The following LTA variants were observed in gnomAD, a reference collection of about 807,000 sequenced individuals.
LTA encodes the protein lymphotoxin-alpha.
A neutral mutation model predicts 15.1 loss-of-function variants in LTA; 6 were observed. The observed-to-expected ratio is 0.40, with a 90% confidence interval of 0.22 to 0.78. The LOEUF is 0.78. Among genes scored for constraint, LTA ranks in the 30% least tolerant of loss-of-function variants. The pLI is 0.38. For missense variants in LTA, 173 were observed against 249.5 expected (o/e 0.69, Z 2.06); for synonymous variants, 87 against 107.3 (o/e 0.81, Z 1.17).
the LTA span, among the ~76,000 whole-genome samples, chr6:31,561,877 T>C: frequency 6.6e-6 from 1 of 151,918 alleles, no homozygotes; most frequent in Non-Finnish European, 1.5e-5. Context: ...TCAATGAAGG[T>C]TTGAGGTACC....
At chr6:31,566,397 C>G in the LTA span, among the ~76,000 whole-genome samples, 1 of 152,048 alleles carries the variant, frequency 6.6e-6, no homozygotes, top group Non-Finnish European at 1.5e-5. Flanking sequence ...AATTCCAGCA[C>G]TTCGGGAGGC....
chr6:31,567,116 T>G (rs541164230), upstream of LTA, among the ~76,000 whole-genome samples: 5 of 150,544 alleles, frequency 3.3e-5, no homozygotes, highest in Non-Finnish European at 7.4e-5. Flanking sequence ...ACTAACATGG[T>G]GAAACCCCAT....
At chr6:31,568,990 C>CTTGTT (rs201891463), upstream of LTA, among the ~76,000 whole-genome samples, 6 of 151,472 alleles carry the variant, frequency 4.0e-5, no homozygotes, top group Non-Finnish European at 5.9e-5. This position sits in a 1 kb window ranked among gnomAD's most constrained non-coding sequence, Gnocchi z 4.1. Context: ...TTTTTGTTTG[C>CTTGTT]TTGTTTTGTT....
upstream of LTA, among the ~76,000 whole-genome samples, chr6:31,568,319 G>T (rs1305751747): frequency 3.3e-5 from 5 of 152,192 alleles, no homozygotes; most frequent in African/African-American, 1.2e-4. This position sits in a 1 kb window ranked among gnomAD's most constrained non-coding sequence, Gnocchi z 4.1. Context: ...TACATTTAGA[G>T]TCAGATTTAA....
At chr6:31,563,117 G>A in the LTA span, among the ~76,000 whole-genome samples, 1,259 of 146,138 alleles carry the variant, frequency 8.6e-3, 23 homozygotes, top group African/African-American at 0.028. Context: ...CCGAGATCGC[G>A]CCACTGCACT....
chr6:31,563,588 A>G, the LTA span, among the ~76,000 whole-genome samples: 1 of 152,164 alleles, frequency 6.6e-6, no homozygotes, highest in Non-Finnish European at 1.5e-5. Flanking sequence ...ACAAAGCCCC[A>G]AGAATGAGAC....
chr6:31,573,525 C>T lies in LTA; in HGVS notation c.450C>T (p.Ser150=). 6.2e-7 allele frequency: 1 copy of T among 1,614,110 alleles called. No individual in the cohort carries two copies. The highest frequency in any genetic ancestry group is 1.1e-5 in the South Asian group (1 of 91,078). ...ACCCCTTCCATGTGCCTCTCCTCAG[C>T]TCCCAGAAGATGGTGTATCCAGGGC... ...SQYPFHVPLL[S]SQKMVYPGLQ... The change falls in exon 4 of 4, where the codon AGC becomes AGT. Residue 150 remains serine (S), a synonymous_variant. Transcript: ENST00000418386.
chr6:31,561,177 T>C, the LTA span, among the ~76,000 whole-genome samples: 1 of 151,984 alleles, frequency 6.6e-6, no homozygotes, highest in Admixed American at 6.6e-5. Flanking sequence ...AGGGAACATG[T>C]GATGAAGAAA....
intron 3 of LTA, 111 bp from the exon 4 acceptor site, chr6:31,573,169 TC>T: frequency 9.1e-7 from 1 of 1,103,202 alleles, no homozygotes. Flanking sequence ...CTCCTATGCC[TC>T]CCCCTGCCAT....
At chr6:31,563,452 G>A in the LTA span, among the ~76,000 whole-genome samples, 3 of 152,280 alleles carry the variant, frequency 2.0e-5, no homozygotes, top group Admixed American at 6.5e-5. Context: ...ATAATGGGGA[G>A]TCAACAAAGA....
chr6:31,573,642 C>T lies in LTA; in HGVS notation c.567C>T (p.Pro189=), dbSNP rs1355642896. The change falls in exon 4 of 4, where the codon CCC becomes CCT. Residue 189 remains proline (P), a synonymous_variant. Coordinates refer to ENST00000418386, the MANE Select transcript of LTA (RefSeq NM_000595.4). The part of the protein sequence containing the change: ...DQLSTHTDGI[P]HLVLSPSTVF... Reference sequence around the variant, plus strand: ...TATCCACCCACACAGATGGCATCCCCCACCTAGTCCTCAGCCCTAGTACTG... The same window carrying T: ...TATCCACCCACACAGATGGCATCCCTCACCTAGTCCTCAGCCCTAGTACTG... The T allele has an allele frequency of 2.5e-6, 4 of 1,613,700 alleles. No homozygotes were observed. In the African/African-American group the frequency reaches 4.0e-5, roughly 16 times the overall value.
At chr6:31,573,254 A>G in intron 3 of LTA, 27 bp from the exon 4 acceptor site, 1 of 1,586,786 alleles carries the variant, frequency 6.3e-7, no homozygotes. Flanking sequence ...CTGATCTCCC[A>G]CCCCCATCCC....
the LTA span, among the ~76,000 whole-genome samples, chr6:31,564,103 A>C: frequency 6.6e-6 from 1 of 152,176 alleles, no homozygotes; most frequent in Non-Finnish European, 1.5e-5. Context: ...TTCAGAGATC[A>C]AGATCTTGAA....
chr6:31,564,955 G>A, the LTA span, among the ~76,000 whole-genome samples: 2 of 152,198 alleles, frequency 1.3e-5, no homozygotes, highest in Non-Finnish European at 2.9e-5. Context: ...ATAAGATGTG[G>A]AGAAAGACTG....
At chr6:31,564,854 C>A in the LTA span, among the ~76,000 whole-genome samples, 2 of 152,062 alleles carry the variant, frequency 1.3e-5, no homozygotes, top group Non-Finnish European at 2.9e-5. Context: ...GTCGAGGCTG[C>A]AGTGAGCCAA....
At chr6:31,572,654 CT>C in intron 1 of LTA, 79 bp from the exon 2 acceptor site, 1 of 970,040 alleles carries the variant, frequency 1.0e-6, no homozygotes, top group Non-Finnish European at 1.6e-6. Flanking sequence ...GGGGTGCTCT[CT>C]CCCAGGGCGG....
In LTA at chr6:31,573,791, C is replaced by T; in HGVS notation, c.*98C>T. ...ATTTCAGGGGTCGTCACCACCTCTCCTTTGGCCATTCCAACAGCTCAAGTC... is the reference window on the plus strand; with the variant it reads ...ATTTCAGGGGTCGTCACCACCTCTCTTTTGGCCATTCCAACAGCTCAAGTC... On this transcript the variant is annotated 3_prime_UTR_variant, in exon 4 of 4. Coordinates refer to ENST00000418386, the MANE Select transcript of LTA (RefSeq NM_000595.4). 1 of 1,403,154 alleles carries T rather than the reference C, an allele frequency of 7.1e-7. No individual in the cohort carries two copies. Among genetic ancestry groups the T allele is most frequent in the Non-Finnish European group, 1.0e-6 (1 of 1,001,950 alleles). The allele number at this position is 1,403,154 out of a possible 1,614,324, so 86.9% of individuals were successfully genotyped here. A position where few individuals can be genotyped will look rare whatever the true frequency, so the allele number is the denominator to read the frequency against.
the LTA span, among the ~76,000 whole-genome samples, chr6:31,566,450 C>G: frequency 1.3e-5 from 2 of 152,048 alleles, no homozygotes; most frequent in Non-Finnish European, 2.9e-5. Flanking sequence ...CAAGACCAGC[C>G]TGGCCAACAT....
At chr6:31,569,354 G>A (rs1770719752), upstream of LTA, among the ~76,000 whole-genome samples, 1 of 152,106 alleles carries the variant, frequency 6.6e-6, no homozygotes, top group South Asian at 2.1e-4. Context: ...TGGGGTCCCA[G>A]TCCATCAGCT....
Sources: allele counts gnomAD v4.1 joint callset (sites outside exome capture counted in the v4.1 genomes callset), GRCh38; gene constraint gnomAD v4.1.1; non-coding constraint Gnocchi (gnomAD v3.1); transcripts MANE v1.5; gene names NCBI Gene and HGNC (gene_info 2026-07-23, HGNC 2026-07-21).